ARHGEF10: variants seen among roughly 807,000 people sequenced by gnomAD.
The protein encoded by ARHGEF10 is Rho guanine nucleotide exchange factor 10.
Under a neutral mutation model 147.4 loss-of-function variants are expected in ARHGEF10, and 140 were observed. That is an observed-to-expected ratio of 0.95 (90% CI 0.83 to 1.09). The LOEUF (loss-of-function observed/expected upper bound fraction) is 1.09, where lower values mean the gene tolerates loss of function less well. Among genes scored for constraint, ARHGEF10 ranks in the 50% least tolerant of loss-of-function variants. ARHGEF10 has a pLI of 0.00. For missense variants in ARHGEF10, 2,222 were observed against 1,752.7 expected (o/e 1.27, Z -4.78); for synonymous variants, 902 against 695.8 (o/e 1.30, Z -4.67).
intron 2 of ARHGEF10, among the ~76,000 whole-genome samples, chr8:1,852,196 G>A (rs1805208064): frequency 6.6e-6 from 1 of 152,140 alleles, no homozygotes; most frequent in Non-Finnish European, 1.5e-5. Flanking sequence ...GCTGTCCTGC[G>A]GGCCCTCTAG....
In ARHGEF10 at chr8:1,926,582, AG is replaced by A. The variant is rs1456239499; in HGVS notation, c.2697+120del. On this transcript the variant is annotated intron_variant, in intron 23 of 28. Coordinates refer to ENST00000349830, the MANE Select transcript of ARHGEF10 (RefSeq NM_014629.4). The stretch of plus-strand genomic sequence containing the variant: ...GAGAGTTGGCGGTGGCGTATCCCAG[AG>A]TGTACTTAGAAACATGAAAACTTCT... The A allele has an allele frequency of 2.0e-5, 18 of 900,850 alleles. No homozygotes were observed. In the African/African-American group the frequency reaches 2.5e-4, roughly 12 times the overall value. The allele number at this position is 900,850 out of a possible 1,614,324, so 55.8% of individuals were successfully genotyped here.
chr8:1,850,461 C>G (rs1034312717), intron 2 of ARHGEF10, among the ~76,000 whole-genome samples: 1 of 148,854 alleles, frequency 6.7e-6, no homozygotes. Flanking sequence ...GTGGGGCAAC[C>G]GCGTGGGCAT....
intron 15 of ARHGEF10, among the ~76,000 whole-genome samples, chr8:1,899,973 G>C (rs1456097601): frequency 6.6e-6 from 1 of 152,214 alleles, no homozygotes; most frequent in Non-Finnish European, 1.5e-5. Flanking sequence ...TGTGTTTAGC[G>C]ATGCGCCAGT....
chr8:1,934,607 C>G (rs187128831), intron 26 of ARHGEF10, among the ~76,000 whole-genome samples: 7 of 152,246 alleles, frequency 4.6e-5, no homozygotes, highest in Admixed American at 6.5e-5. Flanking sequence ...GGATCATTCA[C>G]CAAAGAATCA....
At chr8:1,890,358 A>G (rs1424726947) in intron 11 of ARHGEF10, among the ~76,000 whole-genome samples, 1 of 148,526 alleles carries the variant, frequency 6.7e-6, no homozygotes, top group African/African-American at 2.5e-5. Flanking sequence ...TTGTGAGGAT[A>G]CACTGAGTTG....
chr8:1,914,996 C>T (rs904350162), intron 18 of ARHGEF10, among the ~76,000 whole-genome samples: 2 of 152,196 alleles, frequency 1.3e-5, no homozygotes, highest in Non-Finnish European at 2.9e-5. Context: ...AACAGATGAG[C>T]CCCTCACTGG....
chr8:1,835,977 C>T (rs990779048), intron 1 of ARHGEF10, among the ~76,000 whole-genome samples: 4 of 152,048 alleles, frequency 2.6e-5, no homozygotes, highest in African/African-American at 7.2e-5. Flanking sequence ...CTCAGGAGAT[C>T]GAGACCATCC....
At chr8:1,843,870 A>T (rs1804291191) in intron 2 of ARHGEF10, among the ~76,000 whole-genome samples, 1 of 152,188 alleles carries the variant, frequency 6.6e-6, no homozygotes, top group Non-Finnish European at 1.5e-5. Flanking sequence ...CCGCTCAGGG[A>T]CAAGCACGCC....
At position 1,864,388 on chromosome 8, in the gene ARHGEF10, C is replaced by T; in HGVS notation, c.497C>T (p.Thr166Ile). Reference sequence around the variant, plus strand: ...TTCCCAGCAGAAACACCAGAAGTCACAGAAGATCGCCAGCCCAATTCTCTG... The same window carrying T: ...TTCCCAGCAGAAACACCAGAAGTCATAGAAGATCGCCAGCCCAATTCTCTG... ...SLDEEETPEV[T>I]EDRQPNSLSS... The change falls in exon 5 of 29, where the codon ACA (threonine) becomes ATA (isoleucine). Residue 166 changes from threonine (T) to isoleucine (I), a missense_variant. By Grantham distance (89) the Thr-to-Ile change is moderately conservative (BLOSUM62 -1). Coordinates refer to ENST00000349830, the MANE Select transcript of ARHGEF10 (RefSeq NM_014629.4). 1 of 1,614,178 alleles carries T rather than the reference C, an allele frequency of 6.2e-7. No homozygotes were observed. The highest frequency in any genetic ancestry group is 8.5e-7 in the Non-Finnish European group (1 of 1,180,030).
At chr8:1,902,088 C>T (rs1018970259) in intron 15 of ARHGEF10, among the ~76,000 whole-genome samples, 2 of 152,012 alleles carry the variant, frequency 1.3e-5, no homozygotes, top group African/African-American at 2.4e-5. Context: ...CCTAGCAACC[C>T]GTCATCTAGG....
At chr8:1,885,464 A>C in intron 10 of ARHGEF10, 137 bp from the exon 11 acceptor site, 1 of 657,094 alleles carries the variant, frequency 1.5e-6, no homozygotes, top group Non-Finnish European at 2.7e-6. Flanking sequence ...TCAACTTAAT[A>C]ATAGCTGGGT....
chr8:1,957,900 TA>T lies in ARHGEF10; in HGVS notation c.*643del, dbSNP rs897209177. ...ATATTTTTGTATTGCATTTTTCTATTAAAAAATTAACAGTTAATGTTTCAGT... is the reference window on the plus strand; with the variant it reads ...ATATTTTTGTATTGCATTTTTCTATTAAAAATTAACAGTTAATGTTTCAGT... On this transcript the variant is annotated 3_prime_UTR_variant, in exon 29 of 29. Transcript: ENST00000349830. 4 of 152,350 alleles carry T rather than the reference TA, an allele frequency of 2.6e-5. No individual in the cohort carries two copies. The highest frequency in any genetic ancestry group is 9.6e-5 in the African/African-American group (4 of 41,466). The allele number at this position is 152,350 out of a possible 1,614,324, so 9.4% of individuals were successfully genotyped here. A position where few individuals can be genotyped will look rare whatever the true frequency, so the allele number is the denominator to read the frequency against.
Position 1,859,985 on chromosome 8 carries a change from C to A in ARHGEF10, c.282C>A (p.Val94=). 1 of 1,614,182 alleles carries A rather than the reference C, an allele frequency of 6.2e-7. No homozygotes were observed. The highest frequency in any genetic ancestry group is 8.5e-7 in the Non-Finnish European group (1 of 1,180,026). Residue 94 remains valine, a synonymous_variant, in exon 4 of 29, where the codon GTC becomes GTA. Coordinates refer to ENST00000349830, the MANE Select transcript of ARHGEF10 (RefSeq NM_014629.4). ...CGATGAAAGTCAACCCATATTCTGT[C>A]ATCGACATCACGCCATTCCAGGAGG... The part of the protein sequence containing the change: ...VLPMKVNPYS[V]IDITPFQEDQ...
chr8:1,957,058 A>G lies in ARHGEF10; in HGVS notation c.3830A>G (p.Glu1277Gly). The G allele has an allele frequency of 1.2e-6, 2 of 1,613,812 alleles. No individual in the cohort carries two copies. Among genetic ancestry groups the G allele is most frequent in the Non-Finnish European group, 1.7e-6 (2 of 1,180,028 alleles). The part of the protein sequence containing the change: ...HGSSSLEHRS[E>G]DSTIYDLLKD... ...TCCAGCTCTCTAGAGCACAGATCAG[A>G]GGACAGCACCATCTATGATCTCCTG... Residue 1277 changes from glutamate (E) to glycine (G), a missense_variant, in exon 29 of 29, where the codon GAG becomes GGG. Transcript: ENST00000349830.
At chr8:1,879,298 T>C (rs1807975306) in intron 8 of ARHGEF10, among the ~76,000 whole-genome samples, 1 of 152,172 alleles carries the variant, frequency 6.6e-6, no homozygotes, top group African/African-American at 2.4e-5. Context: ...TGAAAATCCG[T>C]GCTGCCATCC....
chr8:1,861,228 T>C (rs970642745), intron 4 of ARHGEF10, among the ~76,000 whole-genome samples: 1 of 152,272 alleles, frequency 6.6e-6, no homozygotes, highest in African/African-American at 2.4e-5. Flanking sequence ...CGTTCTCTGC[T>C]GTCCTTACAT....
intron 26 of ARHGEF10, among the ~76,000 whole-genome samples, chr8:1,944,836 G>A (rs1435278848): frequency 6.6e-6 from 1 of 152,208 alleles, no homozygotes; most frequent in African/African-American, 2.4e-5. Context: ...TGAACTCCAG[G>A]CAGCCCCTGA....
rs1419853509 is a variant in ARHGEF10 at position 1,898,520 on chromosome 8, C to T, written c.1645C>T (p.Leu549Phe). The T allele has an allele frequency of 1.2e-6, 2 of 1,614,000 alleles. No homozygotes were observed. Among genetic ancestry groups the T allele is most frequent in the Admixed American group, 3.3e-5 (2 of 60,032 alleles). The change falls in exon 15 of 29, where the codon CTC becomes TTC. Residue 549 changes from leucine (L) to phenylalanine (F), a missense_variant. Physicochemically the swap from Leu to Phe is conservative, Grantham distance 22 (BLOSUM62 0). Transcript: ENST00000349830. ...IQRFPQFILL[L>F]QDMLKNTSKG... ...GAGGTTCCCACAGTTCATCCTCCTG[C>T]TCCAGGTAAGTGCTTCACGGAGACC...
At position 1,933,922 on chromosome 8, in the gene ARHGEF10, G is replaced by T; in HGVS notation, c.3202G>T (p.Val1068Leu). The T allele has an allele frequency of 6.2e-7, 1 of 1,614,224 alleles. No homozygotes were observed. Among genetic ancestry groups the T allele is most frequent in the East Asian group, 2.2e-5 (1 of 44,880 alleles). The change falls in exon 26 of 29, where the codon GTG becomes TTG. Residue 1068 changes from valine to leucine, a missense_variant. Physicochemically the swap from Val to Leu is conservative, Grantham distance 32. Transcript: ENST00000349830. ...ASGGQVFIIS[V>L]ETHAVEGQLE... ...CGGAGGTCAAGTCTTCATCATCAGT[G>T]TGGAGACTCATGCTGTAGAGGTAAG... is the stretch of plus-strand genomic sequence containing the variant.
Sources: gnomAD v4.1 joint callset for allele counts (sites outside exome capture counted in the v4.1 genomes callset) on GRCh38, gnomAD v4.1.1 for gene constraint, MANE v1.5 for transcripts, NCBI Gene and HGNC (gene_info 2026-07-23, HGNC 2026-07-21) for gene names.